The following EPS15 variants were observed in gnomAD, a reference collection of about 807,000 sequenced individuals.
EPS15 encodes the protein epidermal growth factor receptor substrate 15.
EPS15 carries 72 observed loss-of-function variants against 113.8 expected under a neutral mutation model. That is an observed-to-expected ratio of 0.63 (90% CI 0.52 to 0.77). The LOEUF is 0.77. EPS15 is among the 30% of genes least tolerant of loss of function. The pLI, the probability that EPS15 is intolerant of heterozygous loss-of-function variation, is 0.00. For synonymous variants in EPS15, 344 were observed against 363.4 expected, an observed-to-expected ratio of 0.95 and a Z score of 0.61; for missense variants, 1,048 against 1,045.8, an observed-to-expected ratio of 1.00 and a Z score of -0.03.
At chr1:51,388,998 A>G (rs971600745) in intron 21 of EPS15, among the ~76,000 whole-genome samples, 2 of 152,206 alleles carry the variant, frequency 1.3e-5, no homozygotes, top group Admixed American at 1.3e-4. Flanking sequence ...TACCAAAGCC[A>G]GGCAGAGATG....
chr1:51,394,298 G>C (rs1410550050), intron 21 of EPS15, 83 bp downstream of exon 21: 1 of 805,050 alleles, frequency 1.2e-6, no homozygotes, highest in Non-Finnish European at 2.0e-6. Flanking sequence ...TAAATAACAG[G>C]ACAAATATAT....
chr1:51,484,033 C>T (rs1644073619), intron 1 of EPS15, among the ~76,000 whole-genome samples: 1 of 150,276 alleles, frequency 6.7e-6, no homozygotes, highest in South Asian at 2.1e-4. Flanking sequence ...ATTGGTTGAG[C>T]CACGGAGGTC....
intron 3 of EPS15, among the ~76,000 whole-genome samples, chr1:51,472,076 C>T (rs1655281289): frequency 1.3e-5 from 2 of 150,606 alleles, no homozygotes; most frequent in South Asian, 4.2e-4. Context: ...CAAGACAATT[C>T]TTCTTCTTTC....
Position 51,472,912 on chromosome 1 carries a change from C to G in EPS15, c.112G>C (p.Asp38His). 6.2e-7 allele frequency: 1 copy of G among 1,613,810 alleles called. No individual in the cohort carries two copies. Among genetic ancestry groups the G allele is most frequent in the Non-Finnish European group, 8.5e-7 (1 of 1,179,788 alleles). Residue 38 changes from aspartate to histidine, a missense_variant, in exon 3 of 25, where the codon GAT becomes CAT. Transcript: ENST00000371733. ...GATTTTTTCAGGAAAGCAGCAGCAT[C>G]AGAAGCCAACACCCTTCCAGTATTG... ...TGNTGRVLASDAAAFLKKSGL... is the reference protein window; with the variant it reads ...TGNTGRVLASHAAAFLKKSGL...
intron 1 of EPS15, among the ~76,000 whole-genome samples, chr1:51,499,385 T>C (rs1570434521): frequency 1.3e-5 from 2 of 152,324 alleles, no homozygotes; most frequent in East Asian, 3.9e-4. Flanking sequence ...TCACGGACAC[T>C]TGGGTTATTT....
At chr1:51,365,003 G>T (rs1170383122) in intron 22 of EPS15, among the ~76,000 whole-genome samples, 1 of 150,332 alleles carries the variant, frequency 6.7e-6, no homozygotes, top group Non-Finnish European at 1.5e-5. Flanking sequence ...CCAATTTTTT[G>T]TGTTTTTTGG....
At chr1:51,448,367 G>A (rs937437959) in intron 8 of EPS15, among the ~76,000 whole-genome samples, 1 of 151,964 alleles carries the variant, frequency 6.6e-6, no homozygotes, top group Admixed American at 6.5e-5. Flanking sequence ...ATTTAGAGAC[G>A]TACCCTTCAA....
intron 5 of EPS15, among the ~76,000 whole-genome samples, chr1:51,466,186 G>A (rs1654829951): frequency 6.6e-6 from 1 of 151,328 alleles, no homozygotes; most frequent in Non-Finnish European, 1.5e-5. Flanking sequence ...AATCGAGTAA[G>A]CAATCAAAAT....
In EPS15 at chr1:51,409,713, T is replaced by C; in HGVS notation, c.1114-17A>G. The C allele has an allele frequency of 2.6e-6, 4 of 1,558,906 alleles. No individual in the cohort carries two copies. Among genetic ancestry groups the C allele is most frequent in the Non-Finnish European group, 3.5e-6 (4 of 1,140,338 alleles). On this transcript the variant is annotated splice_polypyrimidine_tract_variant and intron_variant, in intron 13 of 24. Transcript: ENST00000371733. ...TTGAAGATCCTAAAATCCAAGAAAA[T>C]TAATATATTTATTTTCTTTGCGGGC...
intron 21 of EPS15, among the ~76,000 whole-genome samples, chr1:51,370,979 G>C (rs570162883): frequency 1.3e-5 from 2 of 151,974 alleles, no homozygotes; most frequent in East Asian, 1.9e-4. Flanking sequence ...GCGGTCGTGC[G>C]ATCTCATCTC....
Position 51,399,122 on chromosome 1 carries a change from T to C in EPS15, c.1962A>G (p.Ala654=), listed in dbSNP as rs570550035. 2.8e-5 allele frequency: 46 copies of C among 1,614,102 alleles called. No homozygotes were observed. In the South Asian group the frequency reaches 4.8e-4, roughly 17 times the overall value. The change falls in exon 20 of 25, where the codon GCA becomes GCG. Residue 654 remains alanine (A), a synonymous_variant. Coordinates refer to ENST00000371733, the MANE Select transcript of EPS15 (RefSeq NM_001981.3). ...TAGATTGCCTGAAGAAACAGTCTGA[T>C]GCAAATGGATCTGAACCTTTGAAAG... ...GDPFKGSDPF[A]SDCFFRQSTD...
intron 1 of EPS15, 119 bp downstream of exon 1, chr1:51,519,080 C>T: frequency 3.2e-6 from 2 of 629,458 alleles, no homozygotes; most frequent in Non-Finnish European, 4.9e-6. Flanking sequence ...ACCGGCCGCC[C>T]GGCCCACAAG....
intron 1 of EPS15, among the ~76,000 whole-genome samples, chr1:51,517,895 C>T (rs1644754456): frequency 6.6e-6 from 1 of 152,144 alleles, no homozygotes; most frequent in Non-Finnish European, 1.5e-5. Flanking sequence ...TCTCTCTATC[C>T]TACAGTGCTA....
chr1:51,468,700 A>C (rs1655025268), intron 4 of EPS15, 132 bp from the exon 5 acceptor site: 2 of 623,192 alleles, frequency 3.2e-6, no homozygotes, highest in Non-Finnish European at 5.7e-6. Flanking sequence ...AACAAGTAGC[A>C]TATTTGCTTC....
At chr1:51,444,522 T>C (rs1652852831) in intron 11 of EPS15, among the ~76,000 whole-genome samples, 1 of 152,224 alleles carries the variant, frequency 6.6e-6, no homozygotes, top group Non-Finnish European at 1.5e-5. Context: ...ATCTGTATCA[T>C]TTTATGTAAG....
chr1:51,396,222 C>T (rs1306180904), intron 20 of EPS15, among the ~76,000 whole-genome samples: 9 of 152,198 alleles, frequency 5.9e-5, no homozygotes, highest in Non-Finnish European at 1.3e-4. Context: ...AGCGAGATAA[C>T]TTTCCATGTT....
At chr1:51,356,956 C>A in intron 24 of EPS15, 110 bp from the exon 25 acceptor site, 1 of 830,250 alleles carries the variant, frequency 1.2e-6, no homozygotes. Flanking sequence ...TGGAAATAGT[C>A]TGGTTACTTG....
chr1:51,394,366 A>G lies in EPS15; in HGVS notation c.2119+15T>C. ...ATGTTTAATGTTCAATGAAGTTGAT[A>G]AATTATTTATTTACCTGAATCGCTT... is the stretch of plus-strand genomic sequence containing the variant. On this transcript the variant is annotated intron_variant, in intron 21 of 24. Coordinates refer to ENST00000371733, the MANE Select transcript of EPS15 (RefSeq NM_001981.3). 6.5e-7 allele frequency: 1 copy of G among 1,549,956 alleles called. No individual in the cohort carries two copies. Among genetic ancestry groups the G allele is most frequent in the Non-Finnish European group, 8.8e-7 (1 of 1,134,012 alleles).
intron 1 of EPS15, among the ~76,000 whole-genome samples, chr1:51,515,339 G>C (rs532052764): frequency 6.6e-6 from 1 of 151,976 alleles, no homozygotes; most frequent in African/African-American, 2.4e-5. Flanking sequence ...TGGGCATGGC[G>C]ATGCACACTT....
Sources: gnomAD v4.1 joint callset for allele counts (sites outside exome capture counted in the v4.1 genomes callset) on GRCh38, gnomAD v4.1.1 for gene constraint, MANE v1.5 for transcripts, NCBI Gene and HGNC (gene_info 2026-07-23, HGNC 2026-07-21) for gene names.